CLSTN2: variants seen among roughly 807,000 people sequenced by gnomAD.
The protein encoded by CLSTN2 is calsyntenin 2.
CLSTN2 carries 48 observed loss-of-function variants against 101.2 expected under a neutral mutation model. The ratio of observed to expected loss-of-function variants is 0.47; its 90% CI spans 0.38 to 0.60. The LOEUF (loss-of-function observed/expected upper bound fraction) is 0.60, where lower values mean the gene tolerates loss of function less well. Ranked by LOEUF, CLSTN2 falls within the 20% of genes least tolerant of loss-of-function variation. The pLI is 0.00. For synonymous variants in CLSTN2, 481 were observed against 463.6 expected (o/e 1.04, Z -0.48); for missense variants, 1,160 against 1,238.2 (o/e 0.94, Z 0.95).
intron 3 of CLSTN2, 128 bp downstream of exon 3, chr3:140,403,952 T>C (rs753770057): frequency 1.3e-6 from 1 of 749,104 alleles, no homozygotes; most frequent in Non-Finnish European, 2.1e-6. Flanking sequence ...GCTCAACTGC[T>C]TGGCAGTTTC....
intron 2 of CLSTN2, among the ~76,000 whole-genome samples, chr3:140,207,786 T>C (rs2107844860): frequency 1.3e-5 from 2 of 152,202 alleles, no homozygotes; most frequent in Admixed American, 1.3e-4. Context: ...GCAGAACTGG[T>C]TCTGAAAAAA....
intron 1 of CLSTN2, among the ~76,000 whole-genome samples, chr3:139,975,439 T>G (rs1363075689): frequency 6.6e-6 from 1 of 152,160 alleles, no homozygotes; most frequent in Non-Finnish European, 1.5e-5. Context: ...GCTTGTTGAG[T>G]GTTAATGAAT....
At chr3:140,336,922 C>T (rs142482308) in intron 2 of CLSTN2, among the ~76,000 whole-genome samples, 11 of 152,206 alleles carry the variant, frequency 7.2e-5, no homozygotes, top group African/African-American at 1.7e-4. Flanking sequence ...GCTCCCATCC[C>T]GCCCCACCTT....
At chr3:139,961,104 A>T (rs1935500244) in intron 1 of CLSTN2, among the ~76,000 whole-genome samples, 4 of 152,186 alleles carry the variant, frequency 2.6e-5, no homozygotes, top group Admixed American at 2.6e-4. Context: ...GAGTGACTCC[A>T]GAGTACCAGT....
intron 2 of CLSTN2, among the ~76,000 whole-genome samples, chr3:140,360,973 A>G (rs928541739): frequency 2.0e-5 from 3 of 152,208 alleles, no homozygotes; most frequent in African/African-American, 7.2e-5. Flanking sequence ...TCTTTCAGGA[A>G]ATAGAGGAGG....
intron 5 of CLSTN2, among the ~76,000 whole-genome samples, chr3:140,437,195 C>G (rs966739323): frequency 2.0e-5 from 3 of 151,982 alleles, no homozygotes; most frequent in African/African-American, 7.2e-5. Context: ...ACTAGAGTTG[C>G]CCACCACCAT....
At chr3:140,530,264 A>G (rs1935226039) in intron 8 of CLSTN2, among the ~76,000 whole-genome samples, 1 of 152,234 alleles carries the variant, frequency 6.6e-6, no homozygotes, top group African/African-American at 2.4e-5. Context: ...TACATGAAAT[A>G]TGCAAACTCT....
intron 6 of CLSTN2, among the ~76,000 whole-genome samples, chr3:140,458,045 CTGA>C (rs1480811441): frequency 6.6e-6 from 1 of 152,198 alleles, no homozygotes; most frequent in Non-Finnish European, 1.5e-5. Context: ...GGATATAGAC[CTGA>C]TGATCTCCTC....
At chr3:140,132,835 C>T (rs1464952563) in intron 1 of CLSTN2, among the ~76,000 whole-genome samples, 3 of 152,162 alleles carry the variant, frequency 2.0e-5, no homozygotes, top group South Asian at 2.1e-4. Context: ...GCAAAATTTA[C>T]CCCTTACTCC....
chr3:140,168,063 G>A (rs2010160629), intron 1 of CLSTN2, among the ~76,000 whole-genome samples: 2 of 151,990 alleles, frequency 1.3e-5, no homozygotes, highest in Admixed American at 1.3e-4. Context: ...ATTCCTCTTG[G>A]GTAAATCCTA....
chr3:140,077,054 C>T (rs993473708), intron 1 of CLSTN2, among the ~76,000 whole-genome samples: 16 of 152,098 alleles, frequency 1.1e-4, no homozygotes, highest in African/African-American at 2.7e-4. Context: ...TTTACAAGGA[C>T]GACTAGCTCT....
chr3:140,134,557 G>A (rs754401708), intron 1 of CLSTN2, among the ~76,000 whole-genome samples: 12 of 152,270 alleles, frequency 7.9e-5, no homozygotes, highest in Non-Finnish European at 1.5e-4. Context: ...AACTCAGCCC[G>A]TGCCAAAGCT....
chr3:140,476,691 G>A (rs994973198), intron 8 of CLSTN2, among the ~76,000 whole-genome samples: 4 of 132,222 alleles, frequency 3.0e-5, no homozygotes, highest in South Asian at 2.3e-4. Context: ...ATGGAGTCTC[G>A]CCTGTGGTCC....
chr3:140,451,142 C>T (rs1933238792), intron 6 of CLSTN2, among the ~76,000 whole-genome samples: 1 of 152,154 alleles, frequency 6.6e-6, no homozygotes, highest in African/African-American at 2.4e-5. Context: ...TAGTTAGCAT[C>T]GTTTCCTAAA....
chr3:139,946,438 C>A (rs976495199), intron 1 of CLSTN2, among the ~76,000 whole-genome samples: 1 of 152,206 alleles, frequency 6.6e-6, no homozygotes, highest in African/African-American at 2.4e-5. Flanking sequence ...ATTCAACAAC[C>A]AGAGGGCCAT....
intron 2 of CLSTN2, among the ~76,000 whole-genome samples, chr3:140,180,963 T>C (rs2010399446): frequency 6.6e-6 from 1 of 152,196 alleles, no homozygotes; most frequent in Non-Finnish European, 1.5e-5. Context: ...TCAGGCCCTA[T>C]AGGTGCCTGA....
chr3:140,517,698 C>A (rs1374674196), intron 8 of CLSTN2, among the ~76,000 whole-genome samples: 1 of 152,140 alleles, frequency 6.6e-6, no homozygotes, highest in Non-Finnish European at 1.5e-5. Flanking sequence ...GCCGTGGACA[C>A]CAGTATCTGC....
At chr3:140,243,968 C>T (rs2086493309) in intron 2 of CLSTN2, among the ~76,000 whole-genome samples, 1 of 152,198 alleles carries the variant, frequency 6.6e-6, no homozygotes, top group African/African-American at 2.4e-5. Flanking sequence ...TTTGTGCAAC[C>T]AAGACCTATA....
At chr3:140,162,722 A>G (rs983112332) in intron 1 of CLSTN2, among the ~76,000 whole-genome samples, 19 of 152,206 alleles carry the variant, frequency 1.2e-4, no homozygotes, top group African/African-American at 4.6e-4. Flanking sequence ...AACAGTTCAC[A>G]TAAATAACAA....
Sources: allele counts gnomAD v4.1 joint callset (sites outside exome capture counted in the v4.1 genomes callset), GRCh38; gene constraint gnomAD v4.1.1; transcripts MANE v1.5; gene names NCBI Gene and HGNC (gene_info 2026-07-23, HGNC 2026-07-21).